SLC24A4: variants seen among roughly 807,000 people sequenced by gnomAD.
The protein encoded by SLC24A4 is solute carrier family 24 member 4.
Under a neutral mutation model 79.0 loss-of-function variants are expected in SLC24A4, and 53 were observed. The ratio of observed to expected loss-of-function variants is 0.67; its 90% CI spans 0.54 to 0.84. SLC24A4 has a LOEUF of 0.84. Among genes scored for constraint, SLC24A4 ranks in the 40% least tolerant of loss-of-function variants. The probability of loss-of-function intolerance (pLI) is 0.00; values close to 1 mark genes in which losing one functional copy is unlikely to be tolerated. For missense variants in SLC24A4, 731 were observed against 822.0 expected (o/e 0.89, Z 1.35); for synonymous variants, 323 against 323.8 (o/e 1.00, Z 0.03).
At chr14:92,344,072 G>C (rs1208077893) in intron 2 of SLC24A4, among the ~76,000 whole-genome samples, 2 of 152,182 alleles carry the variant, frequency 1.3e-5, no homozygotes, top group Non-Finnish European at 2.9e-5. Context: ...TTCCTGTATA[G>C]ATGGGGATGT....
rs1357135661 is a variant in SLC24A4, at chr14:92,501,102, A to G, written c.*7474A>G. On this transcript the variant is annotated 3_prime_UTR_variant, in exon 17 of 17. Coordinates refer to ENST00000532405, the MANE Select transcript of SLC24A4 (RefSeq NM_153646.4). ...TTCTGGGGCTGTTCACACATTGTTC[A>G]AGTCACCCCAAGATCGTTCTGGCAC... 2.0e-5 allele frequency: 3 copies of G among 152,238 alleles called. No homozygotes were observed. The highest frequency in any genetic ancestry group is 4.4e-5 in the Non-Finnish European group (3 of 68,044). 9.4% of individuals were successfully genotyped at this position (152,238 alleles called of 1,614,324 possible).
intron 2 of SLC24A4, among the ~76,000 whole-genome samples, chr14:92,358,302 A>C (rs946400839): frequency 6.6e-6 from 1 of 152,190 alleles, no homozygotes; most frequent in Non-Finnish European, 1.5e-5. Context: ...ATTTTGAAAA[A>C]TGTTTATTTT....
intron 2 of SLC24A4, among the ~76,000 whole-genome samples, chr14:92,333,220 A>G (rs1312939773): frequency 1.3e-5 from 2 of 152,050 alleles, no homozygotes; most frequent in African/African-American, 4.8e-5. Context: ...CAGCCTCCCA[A>G]GTAGCTGGGA....
intron 2 of SLC24A4, among the ~76,000 whole-genome samples, chr14:92,334,421 A>G (rs1025967939): frequency 1.1e-4 from 17 of 152,142 alleles, no homozygotes; most frequent in Non-Finnish European, 1.6e-4. Context: ...GTGCCCACTC[A>G]TGCCTGTTTC....
chr14:92,331,150 G>A (rs576839601), intron 2 of SLC24A4, among the ~76,000 whole-genome samples: 1 of 152,312 alleles, frequency 6.6e-6, no homozygotes, highest in Non-Finnish European at 1.5e-5. Context: ...AGATCTTCCA[G>A]GATGGGCTCC....
At chr14:92,446,887 G>A (rs1402975034) in intron 8 of SLC24A4, among the ~76,000 whole-genome samples, 5 of 152,136 alleles carry the variant, frequency 3.3e-5, no homozygotes, top group Admixed American at 1.3e-4. Flanking sequence ...AGGCCTGGGA[G>A]GCTCCTGTGC....
intron 2 of SLC24A4, among the ~76,000 whole-genome samples, chr14:92,354,857 T>G (rs1260380046): frequency 6.6e-6 from 1 of 152,070 alleles, no homozygotes; most frequent in African/African-American, 2.4e-5. Flanking sequence ...GCGGATTGAA[T>G]GAGGCCAAGA....
At chr14:92,459,071 C>A (rs1893647159) in intron 12 of SLC24A4, among the ~76,000 whole-genome samples, 1 of 152,230 alleles carries the variant, frequency 6.6e-6, no homozygotes, top group Non-Finnish European at 1.5e-5. Context: ...GCACTGGCCA[C>A]TTCACCTGAA....
chr14:92,326,710 T>C (rs1402721493), intron 2 of SLC24A4, among the ~76,000 whole-genome samples: 1 of 152,132 alleles, frequency 6.6e-6, no homozygotes, highest in African/African-American at 2.4e-5. Context: ...ATGCTTGAGC[T>C]CTGGCTGTAA....
At chr14:92,431,736 G>A (rs751079437) in intron 2 of SLC24A4, among the ~76,000 whole-genome samples, 2 of 152,210 alleles carry the variant, frequency 1.3e-5, no homozygotes, top group African/African-American at 4.8e-5. Context: ...AAAGCAAGGC[G>A]TGAGGCTGAA....
chr14:92,441,195 TG>T lies in SLC24A4; in HGVS notation c.394-892del, dbSNP rs1360395062. Reference sequence around the variant, plus strand: ...GGGATACTTTGGGAGTTGGGGCTGGTGGAGGTGAGCCCTGTCCTGAGAGGCC... The same window carrying T: ...GGGATACTTTGGGAGTTGGGGCTGGTGAGGTGAGCCCTGTCCTGAGAGGCC... On this transcript the variant is annotated intron_variant, in intron 4 of 16. Coordinates refer to ENST00000532405, the MANE Select transcript of SLC24A4 (RefSeq NM_153646.4). The surrounding 1 kb of genome is among the most constrained non-coding windows in gnomAD (Gnocchi z 4.6). Among the ~76,000 whole-genome samples, 2 of 152,078 alleles carry T rather than the reference TG, an allele frequency of 1.3e-5. No homozygotes were observed. The highest frequency in any genetic ancestry group is 2.9e-5 in the Non-Finnish European group (2 of 67,996).
chr14:92,425,628 T>C (rs1891523157), intron 2 of SLC24A4, among the ~76,000 whole-genome samples: 1 of 152,210 alleles, frequency 6.6e-6, no homozygotes, highest in South Asian at 2.1e-4. Flanking sequence ...GTTAACTAGC[T>C]GTGATGCTGA....
At chr14:92,357,324 A>C (rs1887235696) in intron 2 of SLC24A4, among the ~76,000 whole-genome samples, 1 of 152,220 alleles carries the variant, frequency 6.6e-6, no homozygotes, top group Non-Finnish European at 1.5e-5. Context: ...AGCTTGATTA[A>C]ATTTAACTCA....
chr14:92,344,358 C>T (rs145071917), intron 2 of SLC24A4, among the ~76,000 whole-genome samples: 3 of 152,300 alleles, frequency 2.0e-5, no homozygotes, highest in Non-Finnish European at 4.4e-5. Flanking sequence ...GTGTGTTATA[C>T]GCCACTGATA....
At chr14:92,413,804 G>A (rs61977267) in intron 2 of SLC24A4, among the ~76,000 whole-genome samples, 10,064 of 152,272 alleles carry the variant, frequency 0.066, 443 homozygotes, top group East Asian at 0.095. Context: ...AAGGCAGAAC[G>A]AACAGGGATT....
At chr14:92,326,607 T>C (rs1033983576) in intron 2 of SLC24A4, among the ~76,000 whole-genome samples, 9 of 152,174 alleles carry the variant, frequency 5.9e-5, no homozygotes, top group Non-Finnish European at 1.2e-4. Flanking sequence ...CAGGCTTTGC[T>C]TAAATGAGTG....
rs1456002712 is a variant in SLC24A4 at position 92,492,218 on chromosome 14, T to C, written c.1694T>C (p.Leu565Ser). Residue 565 changes from leucine (L) to serine (S), a missense_variant, in exon 16 of 17, where the codon TTG (leucine) becomes TCG (serine). Coordinates refer to ENST00000532405, the MANE Select transcript of SLC24A4 (RefSeq NM_153646.4). ...SRGLVYSVVL[L>S]LGSVALTVLG... Reference sequence around the variant, plus strand: ...GGGCTGGTCTATTCCGTGGTCCTGTTGCTGGGCTCTGTCGCTCTCACCGTG... The same window carrying C: ...GGGCTGGTCTATTCCGTGGTCCTGTCGCTGGGCTCTGTCGCTCTCACCGTG... 2.5e-6 allele frequency: 4 copies of C among 1,614,192 alleles called. No homozygotes were observed. The East Asian group carries it at 8.9e-5, about 36-fold the overall frequency.
At chr14:92,485,069 T>TGCAGC (rs149208154) in intron 13 of SLC24A4, among the ~76,000 whole-genome samples, 9,233 of 152,258 alleles carry the variant, frequency 0.061, 382 homozygotes, top group East Asian at 0.14. Flanking sequence ...CACCATGAGA[T>TGCAGC]GCAGCAGTGC....
intron 2 of SLC24A4, among the ~76,000 whole-genome samples, chr14:92,386,989 G>C (rs1889192568): frequency 6.6e-6 from 1 of 152,050 alleles, no homozygotes; most frequent in South Asian, 2.1e-4. Context: ...AGGGTGCCCT[G>C]CTCTCACCCT....
Sources: allele counts gnomAD v4.1 joint callset (sites outside exome capture counted in the v4.1 genomes callset), GRCh38; gene constraint gnomAD v4.1.1; non-coding constraint Gnocchi (gnomAD v3.1); transcripts MANE v1.5; gene names NCBI Gene and HGNC (gene_info 2026-07-23, HGNC 2026-07-21).